The following SPOCK3 variants were observed in gnomAD, a reference collection of about 807,000 sequenced individuals.
SPOCK3 encodes the protein testican-3.
SPOCK3 carries 30 observed loss-of-function variants against 56.6 expected under a neutral mutation model. The ratio of observed to expected loss-of-function variants is 0.53; its 90% CI spans 0.40 to 0.72. The LOEUF (loss-of-function observed/expected upper bound fraction) is 0.72, where lower values mean the gene tolerates loss of function less well. Ranked by LOEUF, SPOCK3 falls within the 30% of genes least tolerant of loss-of-function variation. The pLI, the probability that SPOCK3 is intolerant of heterozygous loss-of-function variation, is 0.00. For synonymous variants in SPOCK3, 196 were observed against 183.3 expected (o/e 1.07, Z -0.56); for missense variants, 527 against 530.0 (o/e 0.99, Z 0.06).
chr4:166,844,593 C>G (rs1747858117), intron 6 of SPOCK3, among the ~76,000 whole-genome samples: 1 of 152,138 alleles, frequency 6.6e-6, no homozygotes, highest in Admixed American at 6.5e-5. Context: ...ACTCAAACTG[C>G]AACACTTTTC....
At chr4:167,058,112 C>T (rs558416684) in intron 3 of SPOCK3, among the ~76,000 whole-genome samples, 1 of 152,082 alleles carries the variant, frequency 6.6e-6, no homozygotes, top group African/African-American at 2.4e-5. Context: ...CCCTCTCTCA[C>T]CACTCCTATT....
intron 4 of SPOCK3, among the ~76,000 whole-genome samples, chr4:166,914,548 A>G (rs1456681598): frequency 2.0e-5 from 3 of 152,196 alleles, no homozygotes; most frequent in Non-Finnish European, 4.4e-5. Flanking sequence ...AGACAGGCGG[A>G]TCACCTGAGG....
chr4:167,201,842 ACCTG>A (rs1580602269), intron 2 of SPOCK3, among the ~76,000 whole-genome samples: 1 of 151,900 alleles, frequency 6.6e-6, no homozygotes, highest in East Asian at 1.9e-4. Flanking sequence ...TTAGAGTTAT[ACCTG>A]CAGACCTTTC....
At chr4:166,774,071 G>A (rs1739257599) in intron 7 of SPOCK3, among the ~76,000 whole-genome samples, 1 of 152,192 alleles carries the variant, frequency 6.6e-6, no homozygotes, top group Non-Finnish European at 1.5e-5. Context: ...ATTGCAAAAT[G>A]TCTAATGTTA....
At chr4:166,871,382 T>G (rs891931870) in intron 6 of SPOCK3, among the ~76,000 whole-genome samples, 1 of 152,110 alleles carries the variant, frequency 6.6e-6, no homozygotes, top group South Asian at 2.1e-4. Flanking sequence ...TCGTCACTAC[T>G]GCTTTCATAG....
chr4:166,899,508 C>CTTTTTTTTTTTTTTTTT lies in SPOCK3; in HGVS notation c.475-10265_475-10264insAAAAAAAAAAAAAAAAA, dbSNP rs781766258. Among the ~76,000 whole-genome samples, 7 of 119,096 alleles carry CTTTTTTTTTTTTTTTTT rather than the reference C, an allele frequency of 5.9e-5. 1 individual carries two copies. Among genetic ancestry groups the CTTTTTTTTTTTTTTTTT allele is most frequent in the Non-Finnish European group, 6.8e-5 (4 of 59,258 alleles). The allele number at this position is 119,096 out of a possible 152,430, so 78.1% of individuals were successfully genotyped here. A position where few individuals can be genotyped will look rare whatever the true frequency, so the allele number is the denominator to read the frequency against. ...ATCTGTTCAGTGTATTTCTTTCTTT[C>CTTTTTTTTTTTTTTTTT]TTTTTTTTTTTTTTTTGAGACAGAG... On this transcript the variant is annotated intron_variant, in intron 5 of 10. Transcript: ENST00000357545.
At chr4:167,022,419 A>C (rs1319665784) in intron 3 of SPOCK3, among the ~76,000 whole-genome samples, 1 of 152,066 alleles carries the variant, frequency 6.6e-6, no homozygotes, top group Non-Finnish European at 1.5e-5. Context: ...TCTAATGTGT[A>C]GGAACATACC....
chr4:166,773,723 AACATTCCATTAGCTC>A (rs1373205080), intron 7 of SPOCK3, among the ~76,000 whole-genome samples: 1 of 152,180 alleles, frequency 6.6e-6, no homozygotes, highest in African/African-American at 2.4e-5. Context: ...TGTTTTAGCT[AACATTCCATTAGCTC>A]ACAATCTTTA....
At chr4:166,737,436 A>AAATT in intron 10 of SPOCK3, 31 bp downstream of exon 10, 1 of 1,597,294 alleles carries the variant, frequency 6.3e-7, no homozygotes, top group East Asian at 2.2e-5. Context: ...TGTGCTTAGA[A>AAATT]AATTATGAAA....
chr4:167,081,189 T>TAA (rs1757672219), intron 2 of SPOCK3, among the ~76,000 whole-genome samples: 1 of 151,990 alleles, frequency 6.6e-6, no homozygotes, highest in African/African-American at 2.4e-5. Context: ...GCTCAACAAC[T>TAA]AACTGGTGAA....
rs566146502 is a variant in SPOCK3 at position 167,064,505 on chromosome 4, G to A, written c.190-1968C>T. Among the ~76,000 whole-genome samples the A allele has an allele frequency of 1.1e-4, 17 of 151,852 alleles. No individual in the cohort carries two copies. In the South Asian group the frequency reaches 2.1e-3, roughly 19 times the overall value. ...TGTCTCAAAACTTGAGCTGAGCAAC[G>A]TAACATACTCATTTAATATCTTTTA... On this transcript the variant is annotated intron_variant, in intron 2 of 10. Coordinates refer to ENST00000357545, the MANE Select transcript of SPOCK3 (RefSeq NM_001040159.2).
chr4:167,062,467 TA>T, intron 3 of SPOCK3, 24 bp downstream of exon 3: 1 of 1,550,746 alleles, frequency 6.4e-7, no homozygotes, highest in Non-Finnish European at 8.9e-7. Flanking sequence ...TAAAGGTTTT[TA>T]TTTTAAAATA....
chr4:167,035,620 C>T (rs1752679202), intron 3 of SPOCK3, among the ~76,000 whole-genome samples: 1 of 152,062 alleles, frequency 6.6e-6, no homozygotes, highest in Non-Finnish European at 1.5e-5. Context: ...GCTGTCTAAC[C>T]CTGAAACCCA....
At chr4:166,926,284 CAT>C (rs894119895) in intron 4 of SPOCK3, among the ~76,000 whole-genome samples, 4 of 152,088 alleles carry the variant, frequency 2.6e-5, no homozygotes, top group Non-Finnish European at 5.9e-5. Flanking sequence ...CATTGAGTCT[CAT>C]ATTCAATAAT....
chr4:166,764,254 A>G (rs1436746729), intron 7 of SPOCK3, among the ~76,000 whole-genome samples: 1 of 152,028 alleles, frequency 6.6e-6, no homozygotes, highest in Non-Finnish European at 1.5e-5. Flanking sequence ...GGTTTGTTAC[A>G]TATGTATACA....
chr4:166,892,172 T>G (rs1734855510), intron 5 of SPOCK3, among the ~76,000 whole-genome samples: 1 of 152,028 alleles, frequency 6.6e-6, no homozygotes. Flanking sequence ...TGGTTAATTC[T>G]TCATCAAAAT....
chr4:167,217,917 TA>T (rs35737044), intron 2 of SPOCK3, among the ~76,000 whole-genome samples: 3,850 of 145,540 alleles, frequency 0.026, 149 homozygotes, highest in African/African-American at 0.087. Context: ...TTCATTAAAG[TA>T]AAAAAAAAAA....
Position 166,889,207 on chromosome 4 carries a change from T to G in SPOCK3, c.512A>C (p.Gln171Pro), listed in dbSNP as rs746286075. ...LEYQACVLGK[Q>P]ISVKCEGHCP... ...ATGTCCTTCACATTTGACTGAGATCTGTTTTCCTAAGACACATGCCTGATA... is the reference window on the plus strand; with the variant it reads ...ATGTCCTTCACATTTGACTGAGATCGGTTTTCCTAAGACACATGCCTGATA... The change falls in exon 6 of 11, where the codon CAG becomes CCG. Residue 171 changes from glutamine (Q) to proline (P), a missense_variant. By Grantham distance (76) the Gln-to-Pro change is moderately conservative. Transcript: ENST00000357545. 1 of 1,611,934 alleles carries G rather than the reference T, an allele frequency of 6.2e-7. No individual in the cohort carries two copies.
rs891255312 is a variant in SPOCK3 at position 167,132,572 on chromosome 4, C to T, written c.190-70035G>A. Among the ~76,000 whole-genome samples, 3 of 152,150 alleles carry T rather than the reference C, an allele frequency of 2.0e-5. No homozygotes were observed. In the East Asian group the frequency reaches 5.8e-4, roughly 29 times the overall value. ...ACTTTGAAATTTAGAGACTATATTG[C>T]TTTCATTTGGCTACTGTAACAAATT... On this transcript the variant is annotated intron_variant, in intron 2 of 10. Transcript: ENST00000357545.
Sources: allele counts gnomAD v4.1 joint callset (sites outside exome capture counted in the v4.1 genomes callset), GRCh38; gene constraint gnomAD v4.1.1; transcripts MANE v1.5; gene names NCBI Gene and HGNC (gene_info 2026-07-23, HGNC 2026-07-21).